QKI: variants seen among roughly 807,000 people sequenced by gnomAD.
QKI encodes KH domain-containing RNA-binding protein QKI.
In QKI, 10 loss-of-function variants were observed where a neutral mutation model predicts 39.0. That is an observed-to-expected ratio of 0.26 (90% CI 0.16 to 0.43). The LOEUF (loss-of-function observed/expected upper bound fraction) is 0.43, where lower values mean the gene tolerates loss of function less well. Ranked by LOEUF, QKI falls within the 20% of genes least tolerant of loss-of-function variation. The pLI is 1.00. For missense variants in QKI, 218 were observed against 428.0 expected (o/e 0.51, Z 4.33); for synonymous variants, 204 against 155.4 (o/e 1.31, Z -2.33).
Position 163,415,108 on chromosome 6 carries a change from C to G in QKI, c.-86C>G. The G allele has an allele frequency of 1.9e-6, 2 of 1,057,142 alleles. No individual in the cohort carries two copies. Among genetic ancestry groups the G allele is most frequent in the Admixed American group, 5.9e-5 (1 of 17,056 alleles). The allele number at this position is 1,057,142 out of a possible 1,614,324, so 65.5% of individuals were successfully genotyped here. A position where few individuals can be genotyped will look rare whatever the true frequency, so the allele number is the denominator to read the frequency against. On this transcript the variant is annotated 5_prime_UTR_variant, in exon 1 of 8. Coordinates refer to ENST00000361752, the MANE Select transcript of QKI (RefSeq NM_006775.3). ...GCGGGACGCCGGGTCCCGAGCGGCC[C>G]GCGGCCGGGGCTCGCCCCCGCCCCT...
chr6:163,564,503 C>A (rs1783233410), intron 6 of QKI: 4 of 1,438,824 alleles, frequency 2.8e-6, no homozygotes, highest in Non-Finnish European at 3.6e-6. Flanking sequence ...GAGAGATACT[C>A]TTAATTTCAG....
intron 5 of QKI, among the ~76,000 whole-genome samples, chr6:163,562,696 C>T (rs1304571998): frequency 6.6e-6 from 1 of 152,134 alleles, no homozygotes; most frequent in Non-Finnish European, 1.5e-5. Flanking sequence ...ATTTAAGATT[C>T]ATACATGTCA....
At chr6:163,525,748 C>G (rs1284345221) in intron 3 of QKI, among the ~76,000 whole-genome samples, 1 of 152,140 alleles carries the variant, frequency 6.6e-6, no homozygotes, top group African/African-American at 2.4e-5. Context: ...AGCCTTTCTT[C>G]TTAATAGGTA....
intron 4 of QKI, among the ~76,000 whole-genome samples, chr6:163,545,359 T>G (rs1781800755): frequency 6.6e-6 from 1 of 152,152 alleles, no homozygotes; most frequent in Non-Finnish European, 1.5e-5. Flanking sequence ...CACAAATAAT[T>G]AAAAGTACCA....
intron 1 of QKI, among the ~76,000 whole-genome samples, chr6:163,433,210 C>G (rs1788974938): frequency 6.6e-6 from 1 of 152,120 alleles, no homozygotes. Context: ...TGTTTAGGTA[C>G]ATGGTAACTG....
chr6:163,463,191 A>T (rs367722002), intron 2 of QKI, among the ~76,000 whole-genome samples: 1 of 152,084 alleles, frequency 6.6e-6, no homozygotes, highest in Non-Finnish European at 1.5e-5. Context: ...CTAACCATGA[A>T]TTTTTCTTGT....
intron 3 of QKI, among the ~76,000 whole-genome samples, chr6:163,494,348 T>C (rs1778261790): frequency 6.6e-6 from 1 of 152,218 alleles, no homozygotes; most frequent in Admixed American, 6.5e-5. Flanking sequence ...CTGGGACCAA[T>C]CCCACAGGGA....
intron 1 of QKI, chr6:163,415,877 T>C (rs746297370): frequency 2.0e-6 from 1 of 509,186 alleles, no homozygotes. Context: ...TTGGTGCAGC[T>C]GTTCAATACT....
chr6:163,503,962 C>T (rs533538797), intron 3 of QKI, among the ~76,000 whole-genome samples: 1 of 152,098 alleles, frequency 6.6e-6, no homozygotes, highest in South Asian at 2.1e-4. Context: ...AAGCTGGTCT[C>T]GAACTCGTGA....
intron 3 of QKI, among the ~76,000 whole-genome samples, chr6:163,488,408 T>C (rs1471553378): frequency 6.6e-6 from 1 of 152,166 alleles, no homozygotes; most frequent in Non-Finnish European, 1.5e-5. Flanking sequence ...TATTGTAGGC[T>C]TTTCAGAGCT....
rs1443764693 is a variant in QKI at position 163,575,310 on chromosome 6, A to G, written c.*4600A>G. On this transcript the variant is annotated 3_prime_UTR_variant, in exon 8 of 8. Transcript: ENST00000361752. ...TCTCATTTTCAGTTAAGGGTACTTT[A>G]TGTATAATTATGTCATTGCTGCCTT... 2 of 152,188 alleles carry G rather than the reference A, an allele frequency of 1.3e-5. No individual in the cohort carries two copies. The highest frequency in any genetic ancestry group is 2.9e-5 in the Non-Finnish European group (2 of 68,034). The allele number at this position is 152,188 out of a possible 1,614,324, so 9.4% of individuals were successfully genotyped here. A position where few individuals can be genotyped will look rare whatever the true frequency, so the allele number is the denominator to read the frequency against.
intron 1 of QKI, among the ~76,000 whole-genome samples, chr6:163,453,348 G>A (rs1374913093): frequency 6.6e-6 from 1 of 151,976 alleles, no homozygotes; most frequent in African/African-American, 2.4e-5. Flanking sequence ...CTCAGGCTTT[G>A]ATATTAGTGT....
intron 2 of QKI, among the ~76,000 whole-genome samples, chr6:163,462,236 G>A (rs1401800212): frequency 2.0e-5 from 3 of 152,052 alleles, no homozygotes; most frequent in African/African-American, 4.8e-5. Context: ...GATTACAGGC[G>A]GGAGCCACTG....
At chr6:163,527,739 G>A (rs944635162) in intron 3 of QKI, among the ~76,000 whole-genome samples, 3 of 152,076 alleles carry the variant, frequency 2.0e-5, no homozygotes, top group Non-Finnish European at 4.4e-5. Flanking sequence ...TTACATCACT[G>A]TATACAGTGG....
At chr6:163,469,410 A>C (rs1025314499) in intron 2 of QKI, among the ~76,000 whole-genome samples, 4 of 152,200 alleles carry the variant, frequency 2.6e-5, no homozygotes, top group African/African-American at 9.6e-5. Context: ...TGAAGTATAT[A>C]ATGTGTATCT....
At chr6:163,446,614 G>A (rs187915185) in intron 1 of QKI, among the ~76,000 whole-genome samples, 1 of 152,068 alleles carries the variant, frequency 6.6e-6, no homozygotes, top group South Asian at 2.1e-4. Flanking sequence ...CCTAAGAAAC[G>A]ACATGACCAG....
intron 2 of QKI, among the ~76,000 whole-genome samples, chr6:163,457,222 T>C: frequency 6.6e-6 from 1 of 152,200 alleles, no homozygotes; most frequent in East Asian, 1.9e-4. Flanking sequence ...GAGAATATAA[T>C]GTTAATCTGT....
intron 3 of QKI, among the ~76,000 whole-genome samples, chr6:163,529,517 C>T (rs936179401): frequency 6.6e-6 from 1 of 151,728 alleles, no homozygotes; most frequent in African/African-American, 2.4e-5. Flanking sequence ...AACTAAGTTA[C>T]TATATAATAC....
intron 2 of QKI, among the ~76,000 whole-genome samples, 156 bp from the exon 3 acceptor site, chr6:163,478,624 T>G (rs1792813031): frequency 6.6e-6 from 1 of 152,236 alleles, no homozygotes; most frequent in African/African-American, 2.4e-5. Context: ...GACCTGAGAC[T>G]TAGCAAGAAA....
Sources: allele counts gnomAD v4.1 joint callset (sites outside exome capture counted in the v4.1 genomes callset), GRCh38; gene constraint gnomAD v4.1.1; transcripts MANE v1.5; gene names NCBI Gene and HGNC (gene_info 2026-07-23, HGNC 2026-07-21).